Variants in TCEA1 observed in about 807,000 individuals in gnomAD.
The protein encoded by TCEA1 is transcription elongation factor A1, also known as transcription elongation factor A protein 1.
In TCEA1, 21 loss-of-function variants were observed where a neutral mutation model predicts 43.8. The ratio of observed to expected loss-of-function variants is 0.48; its 90% CI spans 0.34 to 0.69. The LOEUF (loss-of-function observed/expected upper bound fraction) is 0.69, where lower values mean the gene tolerates loss of function less well. TCEA1 is among the 30% of genes least tolerant of loss of function. The probability of loss-of-function intolerance (pLI) is 0.01; values close to 1 mark genes in which losing one functional copy is unlikely to be tolerated. For synonymous variants in TCEA1, 104 were observed against 117.5 expected (o/e 0.88, Z 0.75); for missense variants, 250 against 365.1 (o/e 0.68, Z 2.57).
chr8:53,969,017 C>T (rs545647624), intron 9 of TCEA1, among the ~76,000 whole-genome samples: 4 of 152,230 alleles, frequency 2.6e-5, no homozygotes, highest in South Asian at 2.1e-4. Context: ...GGGCCGGCCA[C>T]GGTGGCTCAC....
chr8:53,986,983 G>A lies in TCEA1; in HGVS notation c.509C>T (p.Ser170Phe), dbSNP rs1025672723. 1 of 1,597,198 alleles carries A rather than the reference G, an allele frequency of 6.3e-7. No individual in the cohort carries two copies. Among genetic ancestry groups the A allele is most frequent in the Admixed American group, 1.7e-5 (1 of 57,244 alleles). The change falls in exon 6 of 10, where the codon TCT becomes TTT. Residue 170 changes from serine (S) to phenylalanine (F), a missense_variant. Ser to Phe is a radical substitution (Grantham distance 155, BLOSUM62 -2). Transcript: ENST00000521604. ...AIGADEEELG[S>F]QIEEAIYQEI... ...ACAAAGGATATCTTCTTCAATTTGA[G>A]ATCCTAATTCTTCCTCATCAGCTCC...
intron 9 of TCEA1, 133 bp from the exon 10 acceptor site, chr8:53,968,245 C>T (rs1380164921): frequency 1.6e-6 from 1 of 628,332 alleles, no homozygotes; most frequent in African/African-American, 1.8e-5. Context: ...ATTTTTCACA[C>T]ATAATAATCA....
intron 4 of TCEA1, among the ~76,000 whole-genome samples, chr8:53,988,544 T>C (rs537745319): frequency 5.2e-4 from 79 of 152,316 alleles, no homozygotes; most frequent in African/African-American, 1.8e-3. Flanking sequence ...AAAATACCCA[T>C]TATAGCTCAG....
intron 8 of TCEA1, among the ~76,000 whole-genome samples, chr8:53,974,919 A>G (rs1192124837): frequency 1.3e-5 from 2 of 151,982 alleles, no homozygotes; most frequent in Admixed American, 1.3e-4. Context: ...GGATAATTTG[A>G]AATATATATA....
intron 2 of TCEA1, among the ~76,000 whole-genome samples, chr8:54,002,287 C>T (rs1187699274): frequency 6.7e-6 from 1 of 150,332 alleles, no homozygotes; most frequent in Non-Finnish European, 1.5e-5. Flanking sequence ...CTGGCTGACA[C>T]GGTGAAACCC....
intron 6 of TCEA1, 95 bp from the exon 7 acceptor site, chr8:53,984,612 G>A (rs894629276): frequency 2.9e-5 from 31 of 1,086,600 alleles, no homozygotes; most frequent in East Asian, 1.4e-4. Context: ...GGCCAGGCAC[G>A]GTGGCTCATG....
At chr8:53,999,533 A>G (rs1432510500) in intron 3 of TCEA1, 1 of 162,568 alleles carries the variant, frequency 6.2e-6, no homozygotes, top group Non-Finnish European at 1.3e-5. Context: ...AAATAGAGAA[A>G]GAAAAAGAGA....
chr8:54,006,169 T>C (rs1401073591), intron 2 of TCEA1, among the ~76,000 whole-genome samples: 1 of 152,220 alleles, frequency 6.6e-6, no homozygotes, highest in Non-Finnish European at 1.5e-5. Context: ...ACCCTCCTTC[T>C]TTCCCCCAGA....
At position 54,004,245 on chromosome 8, in the gene TCEA1, C is replaced by A. The variant is rs1273891450; in HGVS notation, c.127-4195G>T. On this transcript the variant is annotated intron_variant, in intron 2 of 9. Coordinates refer to ENST00000521604, the MANE Select transcript of TCEA1 (RefSeq NM_006756.4). ...TCTGGCAGGTCCTCAAAATGTTAAACACACAGTTACCACATAAACCAGCAA... is the reference window on the plus strand; with the variant it reads ...TCTGGCAGGTCCTCAAAATGTTAAAAACACAGTTACCACATAAACCAGCAA... 2.0e-5 allele frequency among the ~76,000 whole-genome samples: 3 copies of A among 152,150 alleles called. No individual in the cohort carries two copies. In the East Asian group the frequency reaches 5.8e-4, roughly 29 times the overall value.
intron 8 of TCEA1, chr8:53,973,693 A>G (rs990920769): frequency 5.4e-6 from 3 of 559,130 alleles, no homozygotes; most frequent in Non-Finnish European, 1.0e-5. Flanking sequence ...ATGAAAAAAA[A>G]GAAATTATTA....
chr8:54,006,376 G>A (rs1399152240), intron 2 of TCEA1, among the ~76,000 whole-genome samples: 1 of 152,166 alleles, frequency 6.6e-6, no homozygotes, highest in Non-Finnish European at 1.5e-5. Context: ...CTACTCAGGA[G>A]GCTGAGGCAG....
Position 53,986,532 on chromosome 8 carries a change from G to A in TCEA1, c.523+437C>T, listed in dbSNP as rs1255255090. Among the ~76,000 whole-genome samples the A allele has an allele frequency of 3.3e-5, 5 of 152,210 alleles. No individual in the cohort carries two copies. In the East Asian group the frequency reaches 9.6e-4, roughly 29 times the overall value. On this transcript the variant is annotated intron_variant, in intron 6 of 9. Coordinates refer to ENST00000521604, the MANE Select transcript of TCEA1 (RefSeq NM_006756.4). Reference sequence around the variant, plus strand: ...AACGAGATACACCCAATGTTCTCATGTATTTTGTAATCTCTTCTAATTATG... The same window carrying A: ...AACGAGATACACCCAATGTTCTCATATATTTTGTAATCTCTTCTAATTATG...
chr8:54,014,668 TTGTACTA>T (rs1804764977), intron 1 of TCEA1, among the ~76,000 whole-genome samples: 1 of 152,308 alleles, frequency 6.6e-6, no homozygotes, highest in Middle Eastern at 3.4e-3. Context: ...ACCATGATAC[TTGTACTA>T]TGTGCTCAGT....
intron 4 of TCEA1, among the ~76,000 whole-genome samples, chr8:53,992,954 G>GTT (rs1803927306): frequency 1.5e-5 from 2 of 135,534 alleles, no homozygotes; most frequent in Admixed American, 1.4e-4. Context: ...ATAACAAATG[G>GTT]CTTTTTTTTT....
At chr8:54,016,978 C>CAAA (rs1159105172) in intron 1 of TCEA1, among the ~76,000 whole-genome samples, 44 of 67,108 alleles carry the variant, frequency 6.6e-4, no homozygotes, top group Middle Eastern at 7.0e-3. Flanking sequence ...GACTCCGTCT[C>CAAA]AAAAAAAAAA....
intron 8 of TCEA1, among the ~76,000 whole-genome samples, chr8:53,975,042 AGTTT>A (rs1256827185): frequency 2.7e-5 from 4 of 149,854 alleles, no homozygotes; most frequent in African/African-American, 7.3e-5. Flanking sequence ...TATCATGTTA[AGTTT>A]GTTTATGAAA....
At chr8:53,971,170 C>T (rs1803145402) in intron 8 of TCEA1, 1 of 152,088 alleles carries the variant, frequency 6.6e-6, no homozygotes, top group African/African-American at 2.4e-5. Context: ...AGGGAGAGAA[C>T]TCCAGATGTG....
chr8:53,996,968 C>T (rs371566638), intron 3 of TCEA1, among the ~76,000 whole-genome samples: 50 of 141,106 alleles, frequency 3.5e-4, no homozygotes, highest in African/African-American at 1.3e-3. Context: ...GGCGCGATCT[C>T]GGCTCAGTGC....
At chr8:54,011,697 G>A (rs1177405792) in intron 1 of TCEA1, among the ~76,000 whole-genome samples, 66 of 152,266 alleles carry the variant, frequency 4.3e-4, no homozygotes, top group Admixed American at 4.1e-3. Context: ...AGGAAAAAGC[G>A]AGCAAAGACT....
Sources: allele counts gnomAD v4.1 joint callset (sites outside exome capture counted in the v4.1 genomes callset), GRCh38; gene constraint gnomAD v4.1.1; transcripts MANE v1.5; gene names NCBI Gene and HGNC (gene_info 2026-07-23, HGNC 2026-07-21).